TTC8: variants seen among roughly 807,000 people sequenced by gnomAD.
The protein encoded by TTC8 is tetratricopeptide repeat domain 8.
TTC8 carries 47 observed loss-of-function variants against 72.5 expected under a neutral mutation model. That is an observed-to-expected ratio of 0.65 (90% CI 0.51 to 0.83). TTC8 has a LOEUF of 0.83. Ranked by LOEUF, TTC8 falls within the 40% of genes least tolerant of loss-of-function variation. The probability of loss-of-function intolerance (pLI) is 0.00; values close to 1 mark genes in which losing one functional copy is unlikely to be tolerated. For missense variants in TTC8, 611 were observed against 623.2 expected (o/e 0.98, Z 0.21); for synonymous variants, 199 against 221.4 (o/e 0.90, Z 0.90).
At position 88,845,073 on chromosome 14, in the gene TTC8, A is replaced by G. The variant is rs73327398; in HGVS notation, c.624+1223A>G. ...ATGATATTAGTAAAGATCCATGAAA[A>G]TAAGTAGAATGTATGGAAAGGAGGA... On this transcript the variant is annotated intron_variant, in intron 7 of 14. Coordinates refer to ENST00000380656, the MANE Select transcript of TTC8 (RefSeq NM_144596.4). 7.1e-3 allele frequency among the ~76,000 whole-genome samples: 1,081 copies of G among 152,322 alleles called. 10 individuals are homozygous for G. Among genetic ancestry groups the G allele is most frequent in the African/African-American group, 0.025 (1,030 of 41,564 alleles).
At chr14:88,838,298 A>C (rs2094762606) in intron 2 of TTC8, among the ~76,000 whole-genome samples, 1 of 152,138 alleles carries the variant, frequency 6.6e-6, no homozygotes, top group Non-Finnish European at 1.5e-5. Context: ...TAATCTTCTC[A>C]TGTTTCCTTA....
At chr14:88,857,623 A>T (rs2094862973) in intron 9 of TTC8, among the ~76,000 whole-genome samples, 1 of 152,154 alleles carries the variant, frequency 6.6e-6, no homozygotes, top group Non-Finnish European at 1.5e-5. Flanking sequence ...AGTAGAGAAC[A>T]GGGACTGTTT....
In TTC8 at chr14:88,861,351, A is replaced by C; in HGVS notation, c.909+19A>C. The C allele has an allele frequency of 6.7e-7, 1 of 1,500,034 alleles. No homozygotes were observed. Among genetic ancestry groups the C allele is most frequent in the Non-Finnish European group, 9.2e-7 (1 of 1,082,960 alleles). 92.9% of individuals were successfully genotyped at this position (1,500,034 alleles called of 1,614,324 possible). ...CTATGAGGTAATTCATGTTATTATT[A>C]TTATTATTTATTGATACACAATAGT... On this transcript the variant is annotated intron_variant, in intron 10 of 14. Transcript: ENST00000380656.
chr14:88,831,342 T>C (rs1370549084), intron 1 of TTC8, among the ~76,000 whole-genome samples: 1 of 152,228 alleles, frequency 6.6e-6, no homozygotes, highest in Non-Finnish European at 1.5e-5. Flanking sequence ...TTGCATGTAA[T>C]TGAAAGTGGG....
chr14:88,834,695 A>T (rs2094741950), intron 2 of TTC8, among the ~76,000 whole-genome samples: 2 of 151,626 alleles, frequency 1.3e-5, no homozygotes, highest in Admixed American at 6.6e-5. Context: ...ATGGGGCAAA[A>T]CTATTTTTTT....
intron 7 of TTC8, among the ~76,000 whole-genome samples, chr14:88,847,581 TTGTC>T (rs765737605): frequency 6.6e-6 from 1 of 152,304 alleles, no homozygotes; most frequent in South Asian, 2.1e-4. Flanking sequence ...TTGAGAAAAT[TTGTC>T]TGGGGACTTT....
intron 14 of TTC8, among the ~76,000 whole-genome samples, chr14:88,876,754 A>G (rs2094959003): frequency 6.6e-6 from 1 of 152,152 alleles, no homozygotes; most frequent in Admixed American, 6.6e-5. Context: ...TCCCAACATT[A>G]TTGTGCCAGC....
At chr14:88,832,466 A>G (rs1014311387) in intron 1 of TTC8, among the ~76,000 whole-genome samples, 3 of 151,248 alleles carry the variant, frequency 2.0e-5, no homozygotes. Flanking sequence ...CTGCCTTACT[A>G]TGTCCAACTC....
rs537295982 is a variant in TTC8 at position 88,841,558 on chromosome 14, G to A, written c.579+44G>A. Reference sequence around the variant, plus strand: ...TTTGAGTTATGAAGTAATATTACACGTATGATGATAATGACAAATTAGAAA... The same window carrying A: ...TTTGAGTTATGAAGTAATATTACACATATGATGATAATGACAAATTAGAAA... On this transcript the variant is annotated intron_variant, in intron 6 of 14. Transcript: ENST00000380656. 3.7e-5 allele frequency: 53 copies of A among 1,441,770 alleles called. No homozygotes were observed. Among genetic ancestry groups the A allele is most frequent in the Admixed American group, 6.7e-5 (4 of 59,656 alleles). 89.3% of individuals were successfully genotyped at this position (1,441,770 alleles called of 1,614,324 possible).
chr14:88,827,254 A>G (rs936721795), intron 1 of TTC8, among the ~76,000 whole-genome samples: 4 of 152,172 alleles, frequency 2.6e-5, no homozygotes, highest in African/African-American at 9.6e-5. Flanking sequence ...CAGATTGTGT[A>G]TCCCTTATCC....
At chr14:88,860,315 G>A (rs532781521) in intron 9 of TTC8, among the ~76,000 whole-genome samples, 2 of 152,212 alleles carry the variant, frequency 1.3e-5, no homozygotes, top group South Asian at 4.2e-4. Flanking sequence ...TGGAAAAAAA[G>A]TGTCATAATC....
At position 88,841,128 on chromosome 14, in the gene TTC8, A is replaced by T. The variant is rs2094779069; in HGVS notation, c.421A>T (p.Thr141Ser). The part of the protein sequence containing the change: ...RPGTMEQAIR[T>S]PRTAYTARPI... The stretch of plus-strand genomic sequence containing the variant: ...AGGCACTATGGAACAGGCTATCAGA[A>T]CACCCAGAACCGCCTACACAGCCCG... Residue 141 changes from threonine (T) to serine (S), a missense_variant, in exon 5 of 15, where the codon ACA (threonine) becomes TCA (serine). Coordinates refer to ENST00000380656, the MANE Select transcript of TTC8 (RefSeq NM_144596.4). 8 of 1,614,128 alleles carry T rather than the reference A, an allele frequency of 5.0e-6. No individual in the cohort carries two copies. The highest frequency in any genetic ancestry group is 3.3e-4 in the Middle Eastern group (2 of 6,062).
chr14:88,834,198 G>A (rs1487026180), intron 2 of TTC8, among the ~76,000 whole-genome samples: 3 of 152,158 alleles, frequency 2.0e-5, no homozygotes, highest in African/African-American at 4.8e-5. Context: ...GAAGAAGAAA[G>A]GGACACTGGC....
intron 9 of TTC8, among the ~76,000 whole-genome samples, chr14:88,860,388 C>T (rs1040733269): frequency 2.0e-5 from 3 of 152,162 alleles, no homozygotes; most frequent in Non-Finnish European, 4.4e-5. Context: ...ATATGGTTTA[C>T]TCATGCTAAT....
chr14:88,865,565 G>T (rs2094905962), intron 10 of TTC8, among the ~76,000 whole-genome samples: 1 of 152,288 alleles, frequency 6.6e-6, no homozygotes, highest in Admixed American at 6.5e-5. Context: ...CTACTCAGGA[G>T]GCTGAGGCAG....
chr14:88,849,534 A>G (rs1339180112), intron 7 of TTC8, among the ~76,000 whole-genome samples: 1 of 152,156 alleles, frequency 6.6e-6, no homozygotes, highest in South Asian at 2.1e-4. Flanking sequence ...TTATAGACAA[A>G]TATAAGAAAT....
At chr14:88,849,952 A>C (rs2094826088) in intron 7 of TTC8, among the ~76,000 whole-genome samples, 1 of 152,164 alleles carries the variant, frequency 6.6e-6, no homozygotes, top group African/African-American at 2.4e-5. Flanking sequence ...AAGTTGTTAC[A>C]ACTATAACAA....
At chr14:88,843,431 G>A (rs780917775) in intron 6 of TTC8, among the ~76,000 whole-genome samples, 23 of 152,124 alleles carry the variant, frequency 1.5e-4, no homozygotes, top group Non-Finnish European at 2.9e-4. Context: ...CTTTGTTTCA[G>A]TAGAAACTTC....
chr14:88,837,516 C>G (rs1361230332), intron 2 of TTC8, among the ~76,000 whole-genome samples: 1 of 152,106 alleles, frequency 6.6e-6, no homozygotes, highest in Non-Finnish European at 1.5e-5. Context: ...AGTAGGTGCC[C>G]CCTGGTAATA....
Sources: allele counts gnomAD v4.1 joint callset (sites outside exome capture counted in the v4.1 genomes callset), GRCh38; gene constraint gnomAD v4.1.1; transcripts MANE v1.5; gene names NCBI Gene and HGNC (gene_info 2026-07-23, HGNC 2026-07-21).